Variants in GABRA2 observed in about 807,000 individuals in gnomAD.
GABRA2 encodes the protein gamma-aminobutyric acid type A receptor subunit alpha2.
A neutral mutation model predicts 48.7 loss-of-function variants in GABRA2; 16 were observed. The ratio of observed to expected loss-of-function variants is 0.33; its 90% CI spans 0.22 to 0.50. The LOEUF (loss-of-function observed/expected upper bound fraction) is 0.50. Among genes scored for constraint, GABRA2 ranks in the 20% least tolerant of loss-of-function variants. GABRA2 has a pLI of 0.98. For missense variants in GABRA2, 275 were observed against 535.6 expected (o/e 0.51, Z 4.80); for synonymous variants, 185 against 184.5 (o/e 1.00, Z -0.02).
intron 3 of GABRA2, among the ~76,000 whole-genome samples, chr4:46,355,060 A>T (rs1329118330): frequency 1.3e-5 from 2 of 152,104 alleles, no homozygotes; most frequent in Non-Finnish European, 2.9e-5. Flanking sequence ...TCTGATAAAA[A>T]TATCCTAGTC....
chr4:46,326,760 C>A (rs1290774542), intron 4 of GABRA2, among the ~76,000 whole-genome samples: 1 of 151,918 alleles, frequency 6.6e-6, no homozygotes, highest in Non-Finnish European at 1.5e-5. Flanking sequence ...GTACTCCAGG[C>A]TTCTCTATTG....
At chr4:46,264,166 A>G (rs1444424812) in intron 8 of GABRA2, among the ~76,000 whole-genome samples, 1 of 151,898 alleles carries the variant, frequency 6.6e-6, no homozygotes, top group Non-Finnish European at 1.5e-5. Flanking sequence ...ATTTTTTTCT[A>G]CGTTGATTTT....
intron 8 of GABRA2, among the ~76,000 whole-genome samples, chr4:46,272,550 A>G (rs1204193187): frequency 6.6e-6 from 1 of 152,002 alleles, no homozygotes; most frequent in Non-Finnish European, 1.5e-5. Flanking sequence ...AGTACAAAAC[A>G]ACCCAACCTC....
chr4:46,280,378 G>A (rs1241376378), intron 8 of GABRA2, among the ~76,000 whole-genome samples: 1 of 152,126 alleles, frequency 6.6e-6, no homozygotes, highest in Non-Finnish European at 1.5e-5. Context: ...GTCTGGCATG[G>A]TCATGGAATA....
intron 8 of GABRA2, among the ~76,000 whole-genome samples, chr4:46,300,005 A>C (rs1313091916): frequency 6.6e-6 from 1 of 151,960 alleles, no homozygotes; most frequent in East Asian, 1.9e-4. Flanking sequence ...GCTTATTATA[A>C]AGTAGTTCCC....
chr4:46,304,191 G>T (rs1411049895), intron 7 of GABRA2, among the ~76,000 whole-genome samples: 2 of 152,056 alleles, frequency 1.3e-5, no homozygotes, highest in Non-Finnish European at 2.9e-5. Context: ...ATTCCCACTG[G>T]TATAAACCTC....
intron 8 of GABRA2, among the ~76,000 whole-genome samples, chr4:46,273,470 TATATATATATATGC>T (rs1204958240): frequency 2.2e-3 from 76 of 34,162 alleles, no homozygotes; most frequent in African/African-American, 8.1e-3. Flanking sequence ...ATTCATTGCA[TATATATATATATGC>T]ATATATATAT....
chr4:46,341,212 C>A lies in GABRA2; in HGVS notation c.188-8530G>T, dbSNP rs1269003283. 2.6e-5 allele frequency among the ~76,000 whole-genome samples: 4 copies of A among 151,928 alleles called. No homozygotes were observed. In the East Asian group the frequency reaches 7.7e-4, roughly 29 times the overall value. The stretch of plus-strand genomic sequence containing the variant: ...CATTTAAACTTGTTGACTAGTAATT[C>A]TGATATCTAAGTTTCCTAAAGGACA... On this transcript the variant is annotated intron_variant, in intron 3 of 9. Coordinates refer to ENST00000381620, the MANE Select transcript of GABRA2 (RefSeq NM_000807.4).
chr4:46,328,608 C>T (rs980678723), intron 4 of GABRA2, among the ~76,000 whole-genome samples: 1 of 151,798 alleles, frequency 6.6e-6, no homozygotes, highest in Non-Finnish European at 1.5e-5. Flanking sequence ...GCTATGTTTT[C>T]CCTTCCCATC....
At chr4:46,379,229 A>G (rs905732399) in intron 3 of GABRA2, among the ~76,000 whole-genome samples, 3 of 152,176 alleles carry the variant, frequency 2.0e-5, no homozygotes, top group African/African-American at 4.8e-5. Flanking sequence ...CCTAGCATGC[A>G]CTGTGATGAA....
At chr4:46,343,860 T>C (rs1733703373) in intron 3 of GABRA2, among the ~76,000 whole-genome samples, 1 of 151,962 alleles carries the variant, frequency 6.6e-6, no homozygotes. Context: ...TGTGAATGCA[T>C]ACTCCAGAGT....
chr4:46,284,697 C>T (rs1369413863), intron 8 of GABRA2, among the ~76,000 whole-genome samples: 1 of 152,062 alleles, frequency 6.6e-6, no homozygotes, highest in African/African-American at 2.4e-5. Flanking sequence ...GTCTTATTTG[C>T]TCTGTTCTAT....
At chr4:46,280,696 A>G (rs1050559851) in intron 8 of GABRA2, among the ~76,000 whole-genome samples, 3 of 152,158 alleles carry the variant, frequency 2.0e-5, no homozygotes, top group Non-Finnish European at 4.4e-5. Flanking sequence ...CTCCAAATCC[A>G]TATGTTAAAG....
At chr4:46,358,200 T>A (rs1156492098) in intron 3 of GABRA2, among the ~76,000 whole-genome samples, 1 of 152,136 alleles carries the variant, frequency 6.6e-6, no homozygotes. Context: ...TTAATGCAGT[T>A]TTTTTCTCTG....
intron 3 of GABRA2, among the ~76,000 whole-genome samples, chr4:46,385,834 C>A (rs1441075303): frequency 6.6e-6 from 1 of 151,998 alleles, no homozygotes; most frequent in Non-Finnish European, 1.5e-5. Flanking sequence ...AAAAACTATT[C>A]ATGCAGAAAG....
intron 8 of GABRA2, among the ~76,000 whole-genome samples, chr4:46,266,166 T>C (rs934736952): frequency 5.3e-5 from 8 of 151,618 alleles, no homozygotes; most frequent in African/African-American, 7.2e-5. Context: ...TTAGGTCTAG[T>C]TGGCGTATTC....
intron 8 of GABRA2, among the ~76,000 whole-genome samples, chr4:46,267,538 T>C (rs560605763): frequency 6.6e-6 from 1 of 152,174 alleles, no homozygotes; most frequent in Admixed American, 6.6e-5. Context: ...ATATTCTTTT[T>C]TGAAAATTGG....
At chr4:46,309,261 G>A (rs760753095) in intron 6 of GABRA2, among the ~76,000 whole-genome samples, 8 of 152,008 alleles carry the variant, frequency 5.3e-5, no homozygotes, top group Non-Finnish European at 1.0e-4. Context: ...CCATTCTTCC[G>A]TTTTCTTTTG....
At chr4:46,339,203 TTTAAA>T (rs1303740054) in intron 3 of GABRA2, among the ~76,000 whole-genome samples, 2 of 151,908 alleles carry the variant, frequency 1.3e-5, no homozygotes, top group Non-Finnish European at 2.9e-5. Flanking sequence ...CATGTGGCCA[TTTAAA>T]TTAAATTTTA....
Sources: allele counts gnomAD v4.1 joint callset (sites outside exome capture counted in the v4.1 genomes callset), GRCh38; gene constraint gnomAD v4.1.1; transcripts MANE v1.5; gene names NCBI Gene and HGNC (gene_info 2026-07-23, HGNC 2026-07-21).